Variants in CAAP1 observed in about 807,000 individuals in gnomAD.
CAAP1 encodes caspase activity and apoptosis inhibitor 1.
Under a neutral mutation model 34.0 loss-of-function variants are expected in CAAP1, and 20 were observed. That is an observed-to-expected ratio of 0.59 (90% CI 0.41 to 0.86). CAAP1 has a LOEUF of 0.86. CAAP1 is among the 40% of genes least tolerant of loss of function. The pLI is 0.00. For synonymous variants in CAAP1, 213 were observed against 166.7 expected (o/e 1.28, Z -2.14); for missense variants, 538 against 450.5 (o/e 1.19, Z -1.76).
At chr9:26,876,322 C>T (rs2131329268) in intron 4 of CAAP1, among the ~76,000 whole-genome samples, 1 of 152,258 alleles carries the variant, frequency 6.6e-6, no homozygotes, top group South Asian at 2.1e-4. Flanking sequence ...CAGAAGTCTT[C>T]CCATCTCAAG....
chr9:26,858,983 C>T (rs1427995318), intron 5 of CAAP1, among the ~76,000 whole-genome samples: 3 of 125,420 alleles, frequency 2.4e-5, no homozygotes, highest in African/African-American at 3.1e-5. Context: ...GGCAATAGAG[C>T]GAGAGACTGT....
rs555433697 is a variant in CAAP1 at position 26,870,039 on chromosome 9, C to CTTTT, written c.666-8904_666-8901dup. ...TAGGTTTCTGTAATAGAAAGAATAA[C>CTTTT]TTTTTTTTTTTTTTTTTTTTAACGC... is the stretch of plus-strand genomic sequence containing the variant. On this transcript the variant is annotated intron_variant, in intron 4 of 5. Coordinates refer to ENST00000333916, the MANE Select transcript of CAAP1 (RefSeq NM_024828.4). 1.0e-3 allele frequency: 279 copies of CTTTT among 277,610 alleles called. 1 individual carries two copies. The highest frequency in any genetic ancestry group is 5.6e-3 in the African/African-American group (221 of 39,318). 17.2% of individuals were successfully genotyped at this position (277,610 alleles called of 1,614,324 possible).
chr9:26,846,320 G>A (rs1042343147), intron 5 of CAAP1, among the ~76,000 whole-genome samples: 16 of 149,696 alleles, frequency 1.1e-4, no homozygotes, highest in Admixed American at 9.4e-4. Flanking sequence ...TGGAGGCTGA[G>A]GCAGAGAACT....
At chr9:26,877,678 TG>T (rs1823475645) in intron 4 of CAAP1, among the ~76,000 whole-genome samples, 1 of 152,168 alleles carries the variant, frequency 6.6e-6, no homozygotes, top group Admixed American at 6.6e-5. Context: ...TTCTGTTGAC[TG>T]GAAGGCTGCT....
intron 1 of CAAP1, chr9:26,892,155 G>T: frequency 1.1e-6 from 1 of 950,686 alleles, no homozygotes. Flanking sequence ...CCATAGGAGT[G>T]GAAGGAGCCA....
chr9:26,844,750 A>G (rs1244893888), intron 5 of CAAP1, among the ~76,000 whole-genome samples: 1 of 152,226 alleles, frequency 6.6e-6, no homozygotes, highest in African/African-American at 2.4e-5. Context: ...GGTATTGTCT[A>G]CAGTGGCTGA....
Position 26,886,085 on chromosome 9 carries a change from TA to T in CAAP1, c.589+18del. 1.5e-6 allele frequency: 2 copies of T among 1,358,322 alleles called. No individual in the cohort carries two copies. The highest frequency in any genetic ancestry group is 2.0e-6 in the Non-Finnish European group (2 of 991,616). The allele number at this position is 1,358,322 out of a possible 1,614,324, so 84.1% of individuals were successfully genotyped here. A position where few individuals can be genotyped will look rare whatever the true frequency, so the allele number is the denominator to read the frequency against. ...TATTAACTAAGAAGTTGCCAGAATG[TA>T]AAAATATGTATTCTTACCCTCAAGA... On this transcript the variant is annotated intron_variant, in intron 3 of 5. Coordinates refer to ENST00000333916, the MANE Select transcript of CAAP1 (RefSeq NM_024828.4).
rs769715028 is a variant in CAAP1 at position 26,842,647 on chromosome 9, C to A, written c.740G>T (p.Gly247Val). The change falls in exon 6 of 6, where the codon GGA (glycine) becomes GTA (valine). Residue 247 changes from glycine to valine, a missense_variant and splice_region_variant. Around this residue, in one of 3 missense-constraint regions of CAAP1, gnomAD observed 514 missense variants for 408.4 expected, o/e 1.26. Transcript: ENST00000333916. ...KQPEGLELKQ[G>V]KGEDSDVLSI... Reference sequence around the variant, plus strand: ...GAGTACATCACTATCTTCCCCTTTTCCTGTAACCAAAAAAGGAGAAAGATC... The same window carrying A: ...GAGTACATCACTATCTTCCCCTTTTACTGTAACCAAAAAAGGAGAAAGATC... 1.6e-5 allele frequency: 25 copies of A among 1,580,238 alleles called. No homozygotes were observed. The highest frequency in any genetic ancestry group is 2.1e-5 in the Non-Finnish European group (25 of 1,165,258).
chr9:26,891,084 T>C (rs1823893569), intron 1 of CAAP1, among the ~76,000 whole-genome samples: 1 of 152,188 alleles, frequency 6.6e-6, no homozygotes, highest in Admixed American at 6.5e-5. Flanking sequence ...TATCAACAAA[T>C]TACATTATCT....
intron 5 of CAAP1, among the ~76,000 whole-genome samples, chr9:26,857,609 G>A (rs1462787512): frequency 2.0e-5 from 3 of 152,092 alleles, no homozygotes; most frequent in African/African-American, 7.2e-5. Flanking sequence ...TCCAGCCTAG[G>A]TGACAGAGCA....
intron 4 of CAAP1, among the ~76,000 whole-genome samples, chr9:26,875,159 T>C (rs1204129464): frequency 6.6e-6 from 1 of 152,104 alleles, no homozygotes; most frequent in Non-Finnish European, 1.5e-5. Context: ...CCAAGGCAGG[T>C]GGATCACTCG....
At chr9:26,866,741 T>C (rs1302855493) in intron 4 of CAAP1, among the ~76,000 whole-genome samples, 1 of 152,214 alleles carries the variant, frequency 6.6e-6, no homozygotes, top group Non-Finnish European at 1.5e-5. Context: ...AGTGTATTTG[T>C]TTCCTATGAA....
intron 1 of CAAP1, among the ~76,000 whole-genome samples, chr9:26,889,516 T>C (rs1232018724): frequency 3.3e-5 from 5 of 151,882 alleles, no homozygotes; most frequent in African/African-American, 1.2e-4. Flanking sequence ...AATGGGTGAA[T>C]TGCACAGTAT....
chr9:26,860,372 G>A (rs572216269), intron 5 of CAAP1, among the ~76,000 whole-genome samples: 38 of 152,272 alleles, frequency 2.5e-4, no homozygotes, highest in African/African-American at 5.3e-4. Flanking sequence ...AAGAAAGTAA[G>A]TAAACAAGGA....
intron 1 of CAAP1, among the ~76,000 whole-genome samples, chr9:26,889,867 CAAA>C (rs1028187218): frequency 7.8e-5 from 4 of 51,318 alleles, no homozygotes; most frequent in Non-Finnish European, 1.6e-4. Context: ...GACTCTGTCT[CAAA>C]AAAAAAAAAA....
In CAAP1 at chr9:26,872,553, A is replaced by AT. The variant is rs560375272; in HGVS notation, c.666-11415_666-11414insA. ...TAAATAGACAGATAGATATACATAT[A>AT]ATATATATATATATATATATTTAGA... On this transcript the variant is annotated intron_variant, in intron 4 of 5. Transcript: ENST00000333916. Among the ~76,000 whole-genome samples the AT allele has an allele frequency of 4.8e-4, 68 of 142,562 alleles. 2 individuals carry two copies. Among genetic ancestry groups the AT allele is most frequent in the African/African-American group, 1.8e-3 (65 of 36,950 alleles). The allele number at this position is 142,562 out of a possible 152,430, so 93.5% of individuals were successfully genotyped here. A position where few individuals can be genotyped will look rare whatever the true frequency, so the allele number is the denominator to read the frequency against.
In CAAP1 at chr9:26,887,458, C is replaced by T. The variant is rs1484991848; in HGVS notation, c.359G>A (p.Ser120Asn). 1.2e-6 allele frequency: 2 copies of T among 1,613,108 alleles called. No homozygotes were observed. Among genetic ancestry groups the T allele is most frequent in the Admixed American group, 3.3e-5 (2 of 59,794 alleles). The change falls in exon 2 of 6, where the codon AGT (serine) becomes AAT (asparagine). Residue 120 changes from serine to asparagine, a missense_variant. Ser to Asn is a conservative substitution (Grantham distance 46). Transcript: ENST00000333916. ...GTCCAGTCCACCTTCTTCAAGGTCA[C>T]TGTGCTCTGCCAAGAATAATTCTTT... ...LEKELFLAEH[S>N]DLEEGGLDLT...
intron 1 of CAAP1, 63 bp from the exon 2 acceptor site, chr9:26,887,576 T>G: frequency 1.1e-6 from 1 of 929,028 alleles, no homozygotes; most frequent in Non-Finnish European, 1.6e-6. Flanking sequence ...AATACGTACA[T>G]GACATCATAC....
At chr9:26,857,744 G>A (rs914816534) in intron 5 of CAAP1, among the ~76,000 whole-genome samples, 5 of 152,194 alleles carry the variant, frequency 3.3e-5, no homozygotes, top group African/African-American at 1.2e-4. Context: ...CATTTTCACT[G>A]TAAAGGTAGT....
Sources: allele counts gnomAD v4.1 joint callset (sites outside exome capture counted in the v4.1 genomes callset), GRCh38; gene constraint gnomAD v4.1.1; regional missense constraint gnomAD v4.1.1; transcripts MANE v1.5; gene names NCBI Gene and HGNC (gene_info 2026-07-23, HGNC 2026-07-21).